CRPPA: variants seen among roughly 807,000 people sequenced by gnomAD.
The protein encoded by CRPPA is D-ribitol-5-phosphate cytidylyltransferase.
A neutral mutation model predicts 52.0 loss-of-function variants in CRPPA; 43 were observed. That is an observed-to-expected ratio of 0.83 (90% CI 0.65 to 1.07). The LOEUF (loss-of-function observed/expected upper bound fraction) is 1.07. Ranked by LOEUF, CRPPA falls within the 50% of genes least tolerant of loss-of-function variation. The probability of loss-of-function intolerance (pLI) is 0.00; values close to 1 mark genes in which losing one functional copy is unlikely to be tolerated. For synonymous variants in CRPPA, 250 were observed against 203.5 expected, an observed-to-expected ratio of 1.23 and a Z score of -1.94; for missense variants, 629 against 551.7, an observed-to-expected ratio of 1.14 and a Z score of -1.40.
At chr7:16,174,029 A>G (rs190738768) in intron 9 of CRPPA, among the ~76,000 whole-genome samples, 1 of 152,324 alleles carries the variant, frequency 6.6e-6, no homozygotes, top group Admixed American at 6.5e-5. Context: ...AAATGATAAC[A>G]TATATAATAA....
intron 1 of CRPPA, among the ~76,000 whole-genome samples, chr7:16,412,973 C>T (rs539646749): frequency 1.3e-5 from 2 of 152,252 alleles, no homozygotes; most frequent in South Asian, 4.1e-4. Flanking sequence ...AACATTTTAA[C>T]AAATGCTTTA....
chr7:16,365,341 G>A (rs181385154), intron 3 of CRPPA, among the ~76,000 whole-genome samples: 151 of 152,310 alleles, frequency 9.9e-4, no homozygotes, highest in Non-Finnish European at 1.6e-3. Flanking sequence ...ATGTCCCCAT[G>A]TGATGAAGTG....
chr7:16,236,950 GCACA>G (rs67679435), intron 8 of CRPPA, among the ~76,000 whole-genome samples: 21 of 149,582 alleles, frequency 1.4e-4, no homozygotes, highest in East Asian at 4.0e-4. Context: ...TCGTGCGCGC[GCACA>G]CACACACACA....
At chr7:16,397,069 G>T (rs149912201) in intron 2 of CRPPA, among the ~76,000 whole-genome samples, 1 of 152,190 alleles carries the variant, frequency 6.6e-6, no homozygotes, top group Non-Finnish European at 1.5e-5. Flanking sequence ...ACAGGTGGGA[G>T]AAAACACATG....
intron 3 of CRPPA, among the ~76,000 whole-genome samples, chr7:16,373,163 G>A (rs1384682789): frequency 6.6e-6 from 1 of 152,130 alleles, no homozygotes; most frequent in African/African-American, 2.4e-5. Flanking sequence ...CGGCATGGTG[G>A]CGGGCACCTG....
At chr7:16,289,827 A>G (rs572408947) in intron 5 of CRPPA, among the ~76,000 whole-genome samples, 2 of 152,232 alleles carry the variant, frequency 1.3e-5, no homozygotes, top group Non-Finnish European at 2.9e-5. Flanking sequence ...CCTAGCCAGA[A>G]CAATCAGGCA....
chr7:16,410,170 G>A (rs1266079918), intron 1 of CRPPA, among the ~76,000 whole-genome samples: 1 of 152,192 alleles, frequency 6.6e-6, no homozygotes, highest in African/African-American at 2.4e-5. Context: ...AAGGCTCCTT[G>A]AGAGCTGGGA....
intron 9 of CRPPA, among the ~76,000 whole-genome samples, chr7:16,125,115 C>G (rs548866658): frequency 6.6e-6 from 1 of 151,720 alleles, no homozygotes; most frequent in African/African-American, 2.4e-5. Flanking sequence ...CAAAAATTAG[C>G]CAGGCATGGT....
chr7:16,153,356 C>G (rs1228155611), intron 9 of CRPPA, among the ~76,000 whole-genome samples: 2 of 151,884 alleles, frequency 1.3e-5, no homozygotes, highest in African/African-American at 4.8e-5. Context: ...GAGCTAATAA[C>G]TTTTTTCACA....
At chr7:16,286,831 T>C (rs947932523) in intron 5 of CRPPA, among the ~76,000 whole-genome samples, 2 of 152,186 alleles carry the variant, frequency 1.3e-5, no homozygotes, top group African/African-American at 2.4e-5. Flanking sequence ...CACTGCAGTA[T>C]TGAATCTAAG....
chr7:16,344,208 A>G (rs1785943159), intron 3 of CRPPA, among the ~76,000 whole-genome samples: 3 of 152,072 alleles, frequency 2.0e-5, no homozygotes, highest in African/African-American at 7.2e-5. Context: ...CATATTGCCA[A>G]TATAGAGGAG....
At position 16,414,313 on chromosome 7, in the gene CRPPA, T is replaced by C. The variant is rs1241509096; in HGVS notation, c.257+6753A>G. On this transcript the variant is annotated intron_variant, in intron 1 of 9. Transcript: ENST00000407010. ...TTGCTGTAGTTGTCATCTTAGTCTA[T>C]TTTTCAGCTATTCCAGGTTGACCAC... Among the ~76,000 whole-genome samples, 4 of 150,622 alleles carry C rather than the reference T, an allele frequency of 2.7e-5. No individual in the cohort carries two copies. In the East Asian group the frequency reaches 7.8e-4, roughly 29 times the overall value.
At chr7:16,105,302 A>G (rs1782129061) in intron 9 of CRPPA, among the ~76,000 whole-genome samples, 1 of 152,232 alleles carries the variant, frequency 6.6e-6, no homozygotes, top group Non-Finnish European at 1.5e-5. Flanking sequence ...ACAATGAGAA[A>G]GGTAAGAAGA....
At chr7:16,161,377 A>G (rs182420367) in intron 9 of CRPPA, among the ~76,000 whole-genome samples, 1 of 152,286 alleles carries the variant, frequency 6.6e-6, no homozygotes, top group African/African-American at 2.4e-5. Flanking sequence ...TAGTTTATTG[A>G]GTGTTTCTAG....
intron 9 of CRPPA, among the ~76,000 whole-genome samples, chr7:16,190,946 G>C (rs1781596973): frequency 6.6e-6 from 1 of 151,946 alleles, no homozygotes; most frequent in Non-Finnish European, 1.5e-5. Context: ...CCATTATTTT[G>C]TTCCTTTTTA....
intron 3 of CRPPA, among the ~76,000 whole-genome samples, chr7:16,343,043 AAAAT>A (rs1227520038): frequency 6.6e-6 from 1 of 151,704 alleles, no homozygotes; most frequent in Non-Finnish European, 1.5e-5. Context: ...CTGTCTCAAA[AAAAT>A]AAATAAGTAA....
chr7:16,104,744 C>A (rs886525150), intron 9 of CRPPA, among the ~76,000 whole-genome samples: 3 of 151,866 alleles, frequency 2.0e-5, no homozygotes, highest in African/African-American at 7.3e-5. Flanking sequence ...ACAAAAAATA[C>A]AAACAATTAG....
At chr7:16,202,859 T>A (rs1781889948) in intron 9 of CRPPA, among the ~76,000 whole-genome samples, 1 of 152,158 alleles carries the variant, frequency 6.6e-6, no homozygotes, top group Admixed American at 6.6e-5. Flanking sequence ...TCCCTCCTAA[T>A]GCAACAAAAA....
intron 9 of CRPPA, among the ~76,000 whole-genome samples, chr7:16,141,780 T>C (rs968607417): frequency 3.3e-5 from 5 of 152,342 alleles, no homozygotes; most frequent in Middle Eastern, 3.4e-3. Flanking sequence ...ATTCAACTTG[T>C]ACATTATTCT....
Sources: gnomAD v4.1 joint callset for allele counts (sites outside exome capture counted in the v4.1 genomes callset) on GRCh38, gnomAD v4.1.1 for gene constraint, MANE v1.5 for transcripts, NCBI Gene and HGNC (gene_info 2026-07-23, HGNC 2026-07-21) for gene names.